Variants in UNC13C observed in about 807,000 individuals in gnomAD.
The protein encoded by UNC13C is protein unc-13 homolog C.
UNC13C carries 174 observed loss-of-function variants against 245.4 expected under a neutral mutation model. That is an observed-to-expected ratio of 0.71 (90% CI 0.63 to 0.80). UNC13C has a LOEUF of 0.80. UNC13C is among the 30% of genes least tolerant of loss of function. The pLI is 0.00. For synonymous variants in UNC13C, 992 were observed against 895.1 expected (o/e 1.11, Z -1.93); for missense variants, 2,829 against 2,602.9 (o/e 1.09, Z -1.89).
At position 54,627,393 on chromosome 15, in the gene UNC13C, A is replaced by G. The variant is rs942082905; in HGVS notation, c.*280A>G. 1.1e-4 allele frequency: 28 copies of G among 243,740 alleles called. No homozygotes were observed. In the Admixed American group the frequency reaches 1.3e-3, roughly 12 times the overall value. 15.1% of individuals were successfully genotyped at this position (243,740 alleles called of 1,614,324 possible). ...TTTACCCATTTCACATTCATTAAAC[A>G]TAATTTTTAAAAACTAGTCTTTTGA... On this transcript the variant is annotated 3_prime_UTR_variant, in exon 33 of 33. Transcript: ENST00000260323.
intron 19 of UNC13C, among the ~76,000 whole-genome samples, chr15:54,433,554 C>T (rs2040915520): frequency 6.6e-6 from 1 of 151,998 alleles, no homozygotes; most frequent in Non-Finnish European, 1.5e-5. Context: ...TAAAAACTCT[C>T]AATAAACTAG....
chr15:53,959,365 A>G, the UNC13C span, among the ~76,000 whole-genome samples: 2 of 152,082 alleles, frequency 1.3e-5, no homozygotes, highest in African/African-American at 2.4e-5. Context: ...AGGAACCTCC[A>G]TACTGTTTTC....
chr15:54,567,990 T>C, intron 30 of UNC13C, 43 bp downstream of exon 30: 1 of 1,359,090 alleles, frequency 7.4e-7, no homozygotes, highest in Non-Finnish European at 9.7e-7. Flanking sequence ...AACTGAATAC[T>C]AAAATAAAAT....
chr15:54,280,636 A>G (rs1409802807), intron 10 of UNC13C, among the ~76,000 whole-genome samples: 1 of 148,758 alleles, frequency 6.7e-6, no homozygotes, highest in East Asian at 2.0e-4. Context: ...ATACAAGTAT[A>G]CATATATAAA....
At chr15:54,189,025 T>G (rs1284123345) in intron 4 of UNC13C, among the ~76,000 whole-genome samples, 1 of 152,172 alleles carries the variant, frequency 6.6e-6, no homozygotes, top group Non-Finnish European at 1.5e-5. Flanking sequence ...TGCTGGTTTT[T>G]AGGTGAATGA....
chr15:54,525,517 C>T (rs776006078), intron 24 of UNC13C, 32 bp from the exon 25 acceptor site: 2 of 1,565,542 alleles, frequency 1.3e-6, no homozygotes, highest in South Asian at 1.2e-5. Flanking sequence ...TCTCAAAACT[C>T]CAAAGTAATA....
In UNC13C at chr15:54,264,387, C is replaced by T; in HGVS notation, c.3668C>T (p.Thr1223Ile). 1 of 1,585,070 alleles carries T rather than the reference C, an allele frequency of 6.3e-7. No individual in the cohort carries two copies. The highest frequency in any genetic ancestry group is 8.6e-7 in the Non-Finnish European group (1 of 1,164,416). Residue 1223 changes from threonine (T) to isoleucine (I), a missense_variant, in exon 9 of 33, where the codon ACC becomes ATC. By Grantham distance (89) the Thr-to-Ile change is moderately conservative. Transcript: ENST00000260323. ...ACATCTAAGTGGTCTGCAAAAATAA[C>T]CATTACAGGTAAAAATAAGTCTTCT... ...DGTSKWSAKI[T>I]ITVVSAQGLQ... is the part of the protein sequence containing the mutation.
At chr15:54,066,783 A>G (rs1898095842) in intron 2 of UNC13C, among the ~76,000 whole-genome samples, 1 of 152,188 alleles carries the variant, frequency 6.6e-6, no homozygotes, top group Non-Finnish European at 1.5e-5. Context: ...GAGGAAAGGG[A>G]AAAAGTGCTG....
intron 29 of UNC13C, among the ~76,000 whole-genome samples, chr15:54,564,573 G>A (rs535774257): frequency 3.3e-5 from 5 of 151,978 alleles, no homozygotes; most frequent in African/African-American, 9.6e-5. Context: ...AGCTTTCTAG[G>A]CCCTCAACAA....
chr15:54,008,420 C>T (rs1255322935), intron 1 of UNC13C, among the ~76,000 whole-genome samples: 5 of 152,156 alleles, frequency 3.3e-5, no homozygotes, highest in African/African-American at 9.7e-5. Flanking sequence ...GTGCTTGGTA[C>T]ATAGTAAATA....
intron 29 of UNC13C, among the ~76,000 whole-genome samples, chr15:54,561,808 T>C (rs945961366): frequency 1.3e-5 from 2 of 151,968 alleles, no homozygotes; most frequent in Non-Finnish European, 2.9e-5. Flanking sequence ...AGCCAGAGAT[T>C]TGAGTTCCAG....
chr15:54,123,358 C>T lies in UNC13C; in HGVS notation c.2984-19660C>T, dbSNP rs939113874. The stretch of plus-strand genomic sequence containing the variant: ...GAATATCTATGTGTGTTTATATATA[C>T]TTATATATACATTTATATGGATATA... On this transcript the variant is annotated intron_variant, in intron 2 of 32. Transcript: ENST00000260323. Among the ~76,000 whole-genome samples the T allele has an allele frequency of 2.6e-5, 4 of 151,148 alleles. No individual in the cohort carries two copies. The South Asian group carries it at 8.3e-4, about 31-fold the overall frequency.
At chr15:54,316,988 A>G (rs1447106831) in intron 13 of UNC13C, among the ~76,000 whole-genome samples, 2 of 152,084 alleles carry the variant, frequency 1.3e-5, no homozygotes, top group Middle Eastern at 3.4e-3. Context: ...CATCCTTACC[A>G]TTAAGAAGAG....
intron 19 of UNC13C, among the ~76,000 whole-genome samples, chr15:54,446,101 G>A (rs943745623): frequency 2.6e-5 from 4 of 152,092 alleles, no homozygotes; most frequent in Admixed American, 2.6e-4. Context: ...TCAGATAGTT[G>A]TAGATGTGTG....
chr15:54,516,838 A>G (rs925394986), intron 24 of UNC13C, among the ~76,000 whole-genome samples: 5 of 151,968 alleles, frequency 3.3e-5, no homozygotes, highest in African/African-American at 9.6e-5. Context: ...AAAATAACAC[A>G]GAATACCCGT....
At chr15:54,350,860 C>T (rs970974592) in intron 17 of UNC13C, among the ~76,000 whole-genome samples, 1 of 152,140 alleles carries the variant, frequency 6.6e-6, no homozygotes, top group South Asian at 2.1e-4. Flanking sequence ...TTTTCCTTCA[C>T]AAATGGTGAT....
intron 17 of UNC13C, among the ~76,000 whole-genome samples, chr15:54,386,959 A>C (rs1596313187): frequency 1.3e-5 from 2 of 152,198 alleles, no homozygotes; most frequent in East Asian, 3.9e-4. Flanking sequence ...AATGTAGAGT[A>C]GAATAATTGC....
intron 7 of UNC13C, among the ~76,000 whole-genome samples, chr15:54,245,909 A>T (rs1247918035): frequency 6.6e-6 from 1 of 152,088 alleles, no homozygotes; most frequent in Non-Finnish European, 1.5e-5. Context: ...CAGGATGAGG[A>T]GGGAAATAGA....
At chr15:54,391,387 A>G (rs185385840) in intron 17 of UNC13C, among the ~76,000 whole-genome samples, 1 of 152,138 alleles carries the variant, frequency 6.6e-6, no homozygotes, top group Non-Finnish European at 1.5e-5. Flanking sequence ...TAATTACATT[A>G]TAGTAGTGAT....
Sources: gnomAD v4.1 joint callset for allele counts (sites outside exome capture counted in the v4.1 genomes callset) on GRCh38, gnomAD v4.1.1 for gene constraint, MANE v1.5 for transcripts, NCBI Gene and HGNC (gene_info 2026-07-23, HGNC 2026-07-21) for gene names.